Variants in ACTN1 observed in about 807,000 individuals in gnomAD.
ACTN1 encodes actinin alpha 1.
ACTN1 carries 30 observed loss-of-function variants against 119.6 expected under a neutral mutation model. The ratio of observed to expected loss-of-function variants is 0.25; its 90% confidence interval spans 0.19 to 0.34. ACTN1 has a LOEUF of 0.34. ACTN1 is among the 10% of genes least tolerant of loss of function. The probability of loss-of-function intolerance (pLI) is 1.00; values close to 1 mark genes in which losing one functional copy is unlikely to be tolerated. For synonymous variants in ACTN1, 429 were observed against 472.6 expected, an observed-to-expected ratio of 0.91 and a Z score of 1.20; for missense variants, 764 against 1,223.4, an observed-to-expected ratio of 0.62 and a Z score of 5.60.
Position 68,874,263 on chromosome 14 carries a change from T to C in ACTN1, c.*596A>G, listed in dbSNP as rs547335927. 1.4e-4 allele frequency: 21 copies of C among 152,416 alleles called. No individual in the cohort carries two copies. The highest frequency in any genetic ancestry group is 4.8e-4 in the African/African-American group (20 of 41,540). The allele number at this position is 152,416 out of a possible 1,614,324, so 9.4% of individuals were successfully genotyped here. A position where few individuals can be genotyped will look rare whatever the true frequency, so the allele number is the denominator to read the frequency against. ...TGCTGATAAAGAGACTAGTCACACCTCTGAGGGGATTTAAAAATGAGAAGC... is the reference window on the plus strand; with the variant it reads ...TGCTGATAAAGAGACTAGTCACACCCCTGAGGGGATTTAAAAATGAGAAGC... On this transcript the variant is annotated 3_prime_UTR_variant, in exon 22 of 22. Coordinates refer to ENST00000394419, the MANE Select transcript of ACTN1 (RefSeq NM_001130004.2).
chr14:68,890,074 C>T, intron 11 of ACTN1, 65 bp downstream of exon 11: 1 of 1,572,474 alleles, frequency 6.4e-7, no homozygotes, highest in Non-Finnish European at 8.6e-7. Flanking sequence ...ATAGTGGCTG[C>T]TGGCTGGGCT....
chr14:68,953,722 C>CAA (rs758286195), intron 1 of ACTN1, among the ~76,000 whole-genome samples: 2 of 129,576 alleles, frequency 1.5e-5, no homozygotes, highest in Non-Finnish European at 3.3e-5. Context: ...ACTAAAAATA[C>CAA]AAAAAAAAAA....
At chr14:68,936,396 G>A (rs546143440) in intron 1 of ACTN1, among the ~76,000 whole-genome samples, 5 of 152,228 alleles carry the variant, frequency 3.3e-5, no homozygotes, top group East Asian at 1.9e-4. Context: ...CAGGATCATC[G>A]GCTGCCTCCA....
rs965471355 is a variant in ACTN1 at position 68,884,391 on chromosome 14, C to A, written c.1495-83G>T. 4.7e-6 allele frequency: 7 copies of A among 1,491,314 alleles called. No homozygotes were observed. In the African/African-American group the frequency reaches 8.4e-5, roughly 18 times the overall value. 92.4% of individuals were successfully genotyped at this position (1,491,314 alleles called of 1,614,324 possible). ...TCCTATCAAGATCCTCCTGGTGAGC[C>A]CCAGGTCTAGAAGCACTGACTCAAT... On this transcript the variant is annotated intron_variant, in intron 13 of 21. Coordinates refer to ENST00000394419, the MANE Select transcript of ACTN1 (RefSeq NM_001130004.2).
chr14:68,893,786 C>T (rs2032684382), intron 8 of ACTN1, 39 bp from the exon 9 acceptor site: 2 of 1,603,886 alleles, frequency 1.2e-6, no homozygotes, highest in African/African-American at 2.7e-5. Context: ...CAGCCAGCCC[C>T]AGCAGCAGGG....
At chr14:68,962,813 C>T (rs1330739930) in intron 1 of ACTN1, among the ~76,000 whole-genome samples, 1 of 152,222 alleles carries the variant, frequency 6.6e-6, no homozygotes, top group Non-Finnish European at 1.5e-5. Context: ...TCCGCACCCG[C>T]TGTGTGGGTT....
At position 68,878,361 on chromosome 14, in the gene ACTN1, G is replaced by A; in HGVS notation, c.2427+97C>T. ...GCTCCTCCAGGGAGGGCAGCCCCTA[G>A]CCTGAGGGCCTCCAGCCTGCCACTC... On this transcript the variant is annotated intron_variant, in intron 20 of 21. Transcript: ENST00000394419. The surrounding 1 kb of genome is among the most constrained non-coding windows in gnomAD (Gnocchi z 4.4). 6.8e-7 allele frequency: 1 copy of A among 1,475,526 alleles called. No homozygotes were observed. Among genetic ancestry groups the A allele is most frequent in the South Asian group, 1.4e-5 (1 of 70,548 alleles). 91.4% of individuals were successfully genotyped at this position (1,475,526 alleles called of 1,614,324 possible). A position where few individuals can be genotyped will look rare whatever the true frequency, so the allele number is the denominator to read the frequency against.
In ACTN1 at chr14:68,880,232, CTGAG is replaced by C. The variant is rs1463894768; in HGVS notation, c.2134-128_2134-125del. On this transcript the variant is annotated intron_variant, in intron 17 of 21. Transcript: ENST00000394419. The surrounding 1 kb of genome is among the most constrained non-coding windows in gnomAD (Gnocchi z 4.6). ...CCATCAAACTTGGCCTTCTGTGTGG[CTGAG>C]TGTCACCAGAGGAAGGGGAACCAGG... The C allele has an allele frequency of 1.6e-5, 19 of 1,193,218 alleles. No homozygotes were observed. Among genetic ancestry groups the C allele is most frequent in the Admixed American group, 2.5e-5 (1 of 40,762 alleles). The allele number at this position is 1,193,218 out of a possible 1,614,324, so 73.9% of individuals were successfully genotyped here. A position where few individuals can be genotyped will look rare whatever the true frequency, so the allele number is the denominator to read the frequency against.
chr14:68,978,977 G>A lies in ACTN1; in HGVS notation c.80C>T (p.Pro27Leu). The part of the protein sequence containing the change: ...EDWDRDLLLD[P>L]AWEKQQRKTF... ...CTTTCTCTGCTGCTTCTCCCAGGCC[G>A]GGTCCAGGAGCAGGTCCCGGTCCCA... Residue 27 changes from proline to leucine, a missense_variant, in exon 1 of 22, where the codon CCG (proline) becomes CTG (leucine). Coordinates refer to ENST00000394419, the MANE Select transcript of ACTN1 (RefSeq NM_001130004.2). 2 of 1,599,826 alleles carry A rather than the reference G, an allele frequency of 1.3e-6. No individual in the cohort carries two copies. The highest frequency in any genetic ancestry group is 1.7e-6 in the Non-Finnish European group (2 of 1,172,848).
At position 68,920,935 on chromosome 14, in the gene ACTN1, C is replaced by G. The variant is rs1035012544; in HGVS notation, c.340+71G>C. On this transcript the variant is annotated intron_variant, in intron 3 of 21. Coordinates refer to ENST00000394419, the MANE Select transcript of ACTN1 (RefSeq NM_001130004.2). Reference sequence around the variant, plus strand: ...TGATGCATGGGCCCAGGAGGCAGCACAAAAAAGGCCAAGAGAACCAGGGGG... The same window carrying G: ...TGATGCATGGGCCCAGGAGGCAGCAGAAAAAAGGCCAAGAGAACCAGGGGG... 24 of 1,585,496 alleles carry G rather than the reference C, an allele frequency of 1.5e-5. No homozygotes were observed. In the East Asian group the frequency reaches 3.6e-4, roughly 24 times the overall value.
At chr14:68,964,555 G>C (rs1388940165) in intron 1 of ACTN1, among the ~76,000 whole-genome samples, 1 of 152,166 alleles carries the variant, frequency 6.6e-6, no homozygotes, top group Non-Finnish European at 1.5e-5. Context: ...AAGCAACTAG[G>C]ACAGGGGTTA....
In ACTN1 at chr14:68,882,866, A is replaced by G; in HGVS notation, c.1818+7T>C. On this transcript the variant is annotated splice_region_variant and intron_variant, in intron 15 of 21. Transcript: ENST00000394419. This position sits in a 1 kb window ranked among gnomAD's most constrained non-coding sequence, Gnocchi z 4.5. ...TACAATGGCTCGGCCCATGCCCTTC[A>G]ACTCACGTGGTCCCATTTGCCATTG... 6.2e-7 allele frequency: 1 copy of G among 1,613,824 alleles called. No homozygotes were observed. Among genetic ancestry groups the G allele is most frequent in the Non-Finnish European group, 8.5e-7 (1 of 1,179,698 alleles).
Position 68,885,317 on chromosome 14 carries a change from G to A in ACTN1, c.1385+108C>T, listed in dbSNP as rs1406073128. The A allele has an allele frequency of 2.9e-6, 4 of 1,383,572 alleles. No homozygotes were observed. The highest frequency in any genetic ancestry group is 3.8e-6 in the Non-Finnish European group (4 of 1,041,136). 85.7% of individuals were successfully genotyped at this position (1,383,572 alleles called of 1,614,324 possible). A position where few individuals can be genotyped will look rare whatever the true frequency, so the allele number is the denominator to read the frequency against. On this transcript the variant is annotated intron_variant, in intron 12 of 21. Transcript: ENST00000394419. The surrounding 1 kb of genome is among the most constrained non-coding windows in gnomAD (Gnocchi z 5.6). ...TCCCTCCCCACCTGGGCACCCACCT[G>A]TACCCACCCTCCCCATCTTCCACGG...
chr14:68,933,531 T>C (rs1317974185), intron 1 of ACTN1, among the ~76,000 whole-genome samples: 1 of 152,126 alleles, frequency 6.6e-6, no homozygotes, highest in African/African-American at 2.4e-5. Context: ...TATCCTGAAA[T>C]ACAAGTATAC....
At chr14:68,895,297 T>TGTCCAGCAGATGTCCTGGA (rs1256142367) in intron 8 of ACTN1, among the ~76,000 whole-genome samples, 1 of 152,146 alleles carries the variant, frequency 6.6e-6, no homozygotes, top group African/African-American at 2.4e-5. Context: ...GGAGATGCCA[T>TGTCCAGCAGATGTCCTGGA]GACTGCTTCT....
In ACTN1 at chr14:68,885,346, C is replaced by T; in HGVS notation, c.1385+79G>A. ...CCACCCTCCCCATCTTCCACGGCCACACCCCCACCTCCCCCAGCAGCTGAG... is the reference window on the plus strand; with the variant it reads ...CCACCCTCCCCATCTTCCACGGCCATACCCCCACCTCCCCCAGCAGCTGAG... On this transcript the variant is annotated intron_variant, in intron 12 of 21. Coordinates refer to ENST00000394419, the MANE Select transcript of ACTN1 (RefSeq NM_001130004.2). This position sits in a 1 kb window ranked among gnomAD's most constrained non-coding sequence, Gnocchi z 5.6. The T allele has an allele frequency of 2.0e-6, 3 of 1,506,134 alleles. No homozygotes were observed. Among genetic ancestry groups the T allele is most frequent in the South Asian group, 2.5e-5 (2 of 79,232 alleles). 93.3% of individuals were successfully genotyped at this position (1,506,134 alleles called of 1,614,324 possible).
At chr14:68,914,519 A>C (rs1437027906) in intron 3 of ACTN1, among the ~76,000 whole-genome samples, 1 of 152,172 alleles carries the variant, frequency 6.6e-6, no homozygotes, top group Non-Finnish European at 1.5e-5. Flanking sequence ...TAATCCTAGC[A>C]CTTTGGGAGG....
At position 68,909,445 on chromosome 14, in the gene ACTN1, AAACGGGC is replaced by A. The variant is rs1192534608; in HGVS notation, c.516-56_516-50del. 1.9e-6 allele frequency: 3 copies of A among 1,595,682 alleles called. No homozygotes were observed. Among genetic ancestry groups the A allele is most frequent in the Non-Finnish European group, 2.6e-6 (3 of 1,165,030 alleles). On this transcript the variant is annotated intron_variant, in intron 5 of 21. Coordinates refer to ENST00000394419, the MANE Select transcript of ACTN1 (RefSeq NM_001130004.2). The surrounding 1 kb of genome is among the most constrained non-coding windows in gnomAD (Gnocchi z 4.1). ...AGCAGGCTGGTAAATGAGGCTGAAC[AAACGGGC>A]AACCAGGGCAAAGCAGGGGCCTCCT... is the stretch of plus-strand genomic sequence containing the variant.
chr14:68,920,269 A>T (rs150218938), intron 3 of ACTN1, among the ~76,000 whole-genome samples: 1 of 152,282 alleles, frequency 6.6e-6, no homozygotes, highest in East Asian at 1.9e-4. Context: ...CACAGCCACG[A>T]TGTGTCTTGA....
Sources: allele counts gnomAD v4.1 joint callset (sites outside exome capture counted in the v4.1 genomes callset), GRCh38; gene constraint gnomAD v4.1.1; non-coding constraint Gnocchi (gnomAD v3.1); transcripts MANE v1.5; gene names NCBI Gene and HGNC (gene_info 2026-07-23, HGNC 2026-07-21).